The following CD226 variants were observed in gnomAD, a reference collection of about 807,000 sequenced individuals.
The protein encoded by CD226 is CD226 antigen.
CD226 carries 24 observed loss-of-function variants against 34.9 expected under a neutral mutation model. The observed-to-expected ratio is 0.69, with a 90% confidence interval of 0.50 to 0.97. The LOEUF is 0.97. Among genes scored for constraint, CD226 ranks in the 50% least tolerant of loss-of-function variants. The probability of loss-of-function intolerance (pLI) is 0.00; values close to 1 mark genes in which losing one functional copy is unlikely to be tolerated. For missense variants in CD226, 397 were observed against 412.7 expected, an observed-to-expected ratio of 0.96 and a Z score of 0.33; for synonymous variants, 148 against 147.4, an observed-to-expected ratio of 1.00 and a Z score of -0.03.
At chr18:69,872,057 GGTGTGTGTGT>G (rs201644137) in intron 4 of CD226, among the ~76,000 whole-genome samples, 16 of 143,430 alleles carry the variant, frequency 1.1e-4, no homozygotes, top group African/African-American at 2.6e-4. Context: ...ATTAACAAGG[GGTGTGTGTGT>G]GTGTGTGTGT....
intron 2 of CD226, among the ~76,000 whole-genome samples, chr18:69,930,314 T>C (rs1390984428): frequency 1.3e-5 from 2 of 152,148 alleles, no homozygotes; most frequent in African/African-American, 2.4e-5. Flanking sequence ...AAAAGATGAC[T>C]TCTATGTTTT....
chr18:69,941,961 T>C (rs1270568553), intron 2 of CD226, among the ~76,000 whole-genome samples: 2 of 152,160 alleles, frequency 1.3e-5, no homozygotes, highest in African/African-American at 2.4e-5. Flanking sequence ...CTTCATGCTG[T>C]TCTGGTGACA....
Position 69,864,288 on chromosome 18 carries a change from C to T in CD226, c.*26G>A, listed in dbSNP as rs201880773. ...ATGCATGAGTACATAAGAGTCATTA[C>T]TAATGCACTCATGTCAAGAATAAGC... is the stretch of plus-strand genomic sequence containing the variant. On this transcript the variant is annotated 3_prime_UTR_variant, in exon 6 of 6. Transcript: ENST00000582621. The T allele has an allele frequency of 1.2e-6, 2 of 1,612,078 alleles. No homozygotes were observed. Among genetic ancestry groups the T allele is most frequent in the East Asian group, 2.2e-5 (1 of 44,796 alleles).
At chr18:69,921,067 A>G (rs1370538196) in intron 2 of CD226, among the ~76,000 whole-genome samples, 1 of 152,072 alleles carries the variant, frequency 6.6e-6, no homozygotes, top group African/African-American at 2.4e-5. Context: ...CTTATACCCA[A>G]TGTTTCCTCT....
intron 3 of CD226, among the ~76,000 whole-genome samples, chr18:69,890,708 T>C (rs73464719): frequency 1.5e-3 from 223 of 152,162 alleles, no homozygotes; most frequent in African/African-American, 5.2e-3. Flanking sequence ...TTTGAGGCAG[T>C]GGAAAGCACA....
intron 2 of CD226, among the ~76,000 whole-genome samples, chr18:69,904,550 TA>T (rs575968523): frequency 6.6e-6 from 1 of 152,010 alleles, no homozygotes. Context: ...TTCTAATTGT[TA>T]AAAAAAATAA....
Position 69,858,488 on chromosome 18 carries a change from T to A in CD226, c.*5826A>T, listed in dbSNP as rs1472653576. 1 of 152,020 alleles carries A rather than the reference T, an allele frequency of 6.6e-6. No homozygotes were observed. Among genetic ancestry groups the A allele is most frequent in the East Asian group, 1.9e-4 (1 of 5,176 alleles). The allele number at this position is 152,020 out of a possible 1,614,324, so 9.4% of individuals were successfully genotyped here. On this transcript the variant is annotated 3_prime_UTR_variant, in exon 6 of 6. Transcript: ENST00000582621. ...AGACACTGATTTTGGAATAAGTCAG[T>A]GAATAAAAATAGGGGCTCAGGACTC... is the stretch of plus-strand genomic sequence containing the variant.
intron 4 of CD226, among the ~76,000 whole-genome samples, chr18:69,871,696 G>GGA (rs968163805): frequency 8.5e-5 from 13 of 152,318 alleles, no homozygotes; most frequent in East Asian, 3.9e-4. Flanking sequence ...AACCAGATGG[G>GGA]GAGAGCAATG....
chr18:69,900,221 G>A (rs1254618198), intron 2 of CD226, among the ~76,000 whole-genome samples: 4 of 152,292 alleles, frequency 2.6e-5, no homozygotes, highest in African/African-American at 9.6e-5. Flanking sequence ...TCAAATGGGA[G>A]CTAAAGGATA....
intron 2 of CD226, among the ~76,000 whole-genome samples, chr18:69,930,781 C>T (rs1395606456): frequency 1.3e-5 from 2 of 152,146 alleles, no homozygotes; most frequent in African/African-American, 2.4e-5. Context: ...GATTTATAGC[C>T]TAAATTCCCA....
At chr18:69,866,492 A>C (rs1399143610) in intron 5 of CD226, among the ~76,000 whole-genome samples, 1 of 152,180 alleles carries the variant, frequency 6.6e-6, no homozygotes, top group Non-Finnish European at 1.5e-5. Context: ...GCCCATAAGG[A>C]AATAAAAAAG....
chr18:69,864,737 T>C (rs1339231089), intron 5 of CD226, among the ~76,000 whole-genome samples: 1 of 152,216 alleles, frequency 6.6e-6, no homozygotes, highest in Non-Finnish European at 1.5e-5. Context: ...ATTACTATCA[T>C]TTTTATATGG....
At chr18:69,891,795 T>C (rs1423845285) in intron 3 of CD226, among the ~76,000 whole-genome samples, 1 of 152,254 alleles carries the variant, frequency 6.6e-6, no homozygotes, top group Non-Finnish European at 1.5e-5. Flanking sequence ...TGTTAAAGAC[T>C]TGCACACTGA....
At position 69,854,000 on chromosome 18, in the gene CD226, T is replaced by C. The variant is rs1359106660; in HGVS notation, c.*10314A>G. 1 of 152,202 alleles carries C rather than the reference T, an allele frequency of 6.6e-6. No individual in the cohort carries two copies. The highest frequency in any genetic ancestry group is 1.5e-5 in the Non-Finnish European group (1 of 68,048). 9.4% of individuals were successfully genotyped at this position (152,202 alleles called of 1,614,324 possible). On this transcript the variant is annotated 3_prime_UTR_variant, in exon 6 of 6. Transcript: ENST00000582621. Reference sequence around the variant, plus strand: ...TCCAGCAACAGGAACCCTAGTGCAGTATCAGAAAGTCAGGGCAAAGAGACA... The same window carrying C: ...TCCAGCAACAGGAACCCTAGTGCAGCATCAGAAAGTCAGGGCAAAGAGACA...
chr18:69,934,911 A>G (rs1374125887), intron 2 of CD226, among the ~76,000 whole-genome samples: 2 of 152,184 alleles, frequency 1.3e-5, no homozygotes, highest in African/African-American at 4.8e-5. Flanking sequence ...AAAATCTTAA[A>G]TGTCTTCAGA....
intron 2 of CD226, among the ~76,000 whole-genome samples, chr18:69,941,573 T>A (rs750177253): frequency 1.3e-5 from 2 of 152,234 alleles, no homozygotes; most frequent in African/African-American, 4.8e-5. Flanking sequence ...ATGGAGCTAG[T>A]AGCCCCTTTG....
upstream of CD226, among the ~76,000 whole-genome samples, chr18:69,960,051 C>T (rs186603201): frequency 1.4e-3 from 215 of 152,062 alleles, no homozygotes; most frequent in Middle Eastern, 3.4e-3. Flanking sequence ...ACCAGCCTAG[C>T]CAATATGGTG....
At chr18:69,904,379 T>C (rs2055225815) in intron 2 of CD226, among the ~76,000 whole-genome samples, 1 of 152,174 alleles carries the variant, frequency 6.6e-6, no homozygotes, top group African/African-American at 2.4e-5. Flanking sequence ...GGCAGCTTTG[T>C]GATTCAGATT....
intron 4 of CD226, among the ~76,000 whole-genome samples, chr18:69,868,875 A>C (rs1983324322): frequency 6.6e-6 from 1 of 152,236 alleles, no homozygotes. Flanking sequence ...ATGTGATGAA[A>C]CAAAAGAGAA....
Sources: gnomAD v4.1 joint callset for allele counts (sites outside exome capture counted in the v4.1 genomes callset) on GRCh38, gnomAD v4.1.1 for gene constraint, MANE v1.5 for transcripts, NCBI Gene and HGNC (gene_info 2026-07-23, HGNC 2026-07-21) for gene names.